DTNA: variants seen among roughly 807,000 people sequenced by gnomAD.
DTNA encodes dystrobrevin alpha.
Under a neutral mutation model 100.7 loss-of-function variants are expected in DTNA, and 43 were observed. That is an observed-to-expected ratio of 0.43 (90% confidence interval 0.33 to 0.55). The LOEUF (loss-of-function observed/expected upper bound fraction) is 0.55. Among genes scored for constraint, DTNA ranks in the 20% least tolerant of loss-of-function variants. The pLI, the probability that DTNA is intolerant of heterozygous loss-of-function variation, is 0.04. For synonymous variants in DTNA, 349 were observed against 347.9 expected, an observed-to-expected ratio of 1.00 and a Z score of -0.04; for missense variants, 798 against 953.9, an observed-to-expected ratio of 0.84 and a Z score of 2.15.
At chr18:34,570,436 T>C (rs2047479738) in intron 1 of DTNA, among the ~76,000 whole-genome samples, 1 of 152,244 alleles carries the variant, frequency 6.6e-6, no homozygotes, top group African/African-American at 2.4e-5. Flanking sequence ...TGTGAACTCT[T>C]TGAAAGCAGG....
intron 8 of DTNA, chr18:34,818,686 C>A (rs546027816): frequency 2.2e-5 from 24 of 1,088,866 alleles, no homozygotes; most frequent in Non-Finnish European, 2.3e-5. Flanking sequence ...TTTGTGGAAA[C>A]GGCTTAAAAA....
intron 16 of DTNA, among the ~76,000 whole-genome samples, chr18:34,862,118 C>T (rs918909775): frequency 6.6e-5 from 6 of 90,326 alleles, no homozygotes; most frequent in Non-Finnish European, 1.3e-4. Context: ...CATACACAGA[C>T]AAGGTCAAAA....
chr18:34,731,369 C>G (rs1307130404), intron 1 of DTNA, among the ~76,000 whole-genome samples: 1 of 151,910 alleles, frequency 6.6e-6, no homozygotes, highest in African/African-American at 2.4e-5. Flanking sequence ...GTCCCAGCTA[C>G]TCGGGAGGCT....
chr18:34,810,889 C>T (rs1446307633), intron 5 of DTNA, among the ~76,000 whole-genome samples: 1 of 152,100 alleles, frequency 6.6e-6, no homozygotes, highest in Non-Finnish European at 1.5e-5. Flanking sequence ...ACAGCGGAAA[C>T]CCTTTATAAA....
chr18:34,573,560 C>T (rs1433984476), intron 1 of DTNA, among the ~76,000 whole-genome samples: 1 of 152,118 alleles, frequency 6.6e-6, no homozygotes, highest in Non-Finnish European at 1.5e-5. Context: ...AAAGGGTAGG[C>T]TCTTTTTTAT....
intron 3 of DTNA, among the ~76,000 whole-genome samples, chr18:34,779,676 A>C (rs1018081922): frequency 6.6e-6 from 1 of 152,170 alleles, no homozygotes; most frequent in South Asian, 2.1e-4. Flanking sequence ...CCCCTCCCCC[A>C]ATAATAACAA....
At chr18:34,752,931 G>T (rs182432574) in intron 1 of DTNA, among the ~76,000 whole-genome samples, 28 of 152,252 alleles carry the variant, frequency 1.8e-4, no homozygotes, top group Admixed American at 1.8e-3. Flanking sequence ...ATTAGTTTCT[G>T]TCATTTCAAA....
At chr18:34,880,437 A>C (rs1419830909) in intron 20 of DTNA, among the ~76,000 whole-genome samples, 1 of 152,208 alleles carries the variant, frequency 6.6e-6, no homozygotes, top group Non-Finnish European at 1.5e-5. Flanking sequence ...GGAGAAAAAC[A>C]AAAGAAATGA....
chr18:34,650,054 A>G (rs1365805518), intron 1 of DTNA, among the ~76,000 whole-genome samples: 1 of 152,170 alleles, frequency 6.6e-6, no homozygotes, highest in African/African-American at 2.4e-5. Context: ...CAAAAGAAAA[A>G]AAAAAACTGA....
At chr18:34,505,323 C>T (rs1030455750) in intron 1 of DTNA, among the ~76,000 whole-genome samples, 1 of 152,202 alleles carries the variant, frequency 6.6e-6, no homozygotes, top group Admixed American at 6.5e-5. Context: ...TTTAAGGACA[C>T]TGTGATTACA....
At chr18:34,774,541 T>C (rs2093948240) in intron 3 of DTNA, among the ~76,000 whole-genome samples, 1 of 152,238 alleles carries the variant, frequency 6.6e-6, no homozygotes, top group Non-Finnish European at 1.5e-5. Flanking sequence ...ACTCCATAAA[T>C]AGAGACAGCA....
At chr18:34,844,673 A>G (rs1210459978) in intron 13 of DTNA, among the ~76,000 whole-genome samples, 1 of 152,316 alleles carries the variant, frequency 6.6e-6, no homozygotes, top group Middle Eastern at 3.4e-3. Context: ...AAGAAAATAT[A>G]GAAGCATTTA....
intron 1 of DTNA, among the ~76,000 whole-genome samples, chr18:34,648,061 T>A (rs2060048277): frequency 6.6e-6 from 1 of 152,036 alleles, no homozygotes; most frequent in Non-Finnish European, 1.5e-5. Context: ...AAAAGAAGAG[T>A]TGTGTGGTGG....
chr18:34,631,978 C>T (rs1205684527), intron 1 of DTNA, among the ~76,000 whole-genome samples: 1 of 152,122 alleles, frequency 6.6e-6, no homozygotes, highest in Non-Finnish European at 1.5e-5. Flanking sequence ...CTACTTTGCA[C>T]CATTCTCATG....
intron 5 of DTNA, among the ~76,000 whole-genome samples, 180 bp downstream of exon 5, chr18:34,806,484 A>C (rs1204507554): frequency 2.0e-5 from 3 of 152,194 alleles, no homozygotes; most frequent in Non-Finnish European, 4.4e-5. Context: ...ATATTAGATA[A>C]ATGCTAATGA....
chr18:34,807,509 T>C (rs2095390724), intron 5 of DTNA, among the ~76,000 whole-genome samples: 1 of 152,134 alleles, frequency 6.6e-6, no homozygotes, highest in African/African-American at 2.4e-5. Context: ...TGCTTCTTGA[T>C]CCACCCAAAA....
At chr18:34,684,535 T>A (rs2078595876) in intron 1 of DTNA, among the ~76,000 whole-genome samples, 1 of 152,220 alleles carries the variant, frequency 6.6e-6, no homozygotes, top group Non-Finnish European at 1.5e-5. Flanking sequence ...ATTTTCTTTA[T>A]CCAGTCTAAC....
intron 1 of DTNA, among the ~76,000 whole-genome samples, chr18:34,589,842 A>G (rs1161810138): frequency 6.6e-6 from 1 of 152,184 alleles, no homozygotes; most frequent in East Asian, 1.9e-4. Flanking sequence ...GATTCCACAT[A>G]TAAGTGAGAT....
intron 1 of DTNA, among the ~76,000 whole-genome samples, chr18:34,627,299 G>A (rs1196020741): frequency 1.3e-5 from 2 of 152,074 alleles, no homozygotes; most frequent in African/African-American, 4.8e-5. Context: ...GTGAGAATGT[G>A]TGACAGCTGG....
Sources: gnomAD v4.1 joint callset for allele counts (sites outside exome capture counted in the v4.1 genomes callset) on GRCh38, gnomAD v4.1.1 for gene constraint, MANE v1.5 for transcripts, NCBI Gene and HGNC (gene_info 2026-07-23, HGNC 2026-07-21) for gene names.